SLC15A3: variants seen among roughly 807,000 people sequenced by gnomAD.
SLC15A3 encodes the protein solute carrier family 15 member 3.
A neutral mutation model predicts 49.2 loss-of-function variants in SLC15A3; 39 were observed. The ratio of observed to expected loss-of-function variants is 0.79; its 90% confidence interval spans 0.61 to 1.04. The LOEUF is 1.04. Among genes scored for constraint, SLC15A3 ranks in the 50% least tolerant of loss-of-function variants. The pLI, the probability that SLC15A3 is intolerant of heterozygous loss-of-function variation, is 0.00. For synonymous variants in SLC15A3, 339 were observed against 367.0 expected (o/e 0.92, Z 0.87); for missense variants, 758 against 794.8 (o/e 0.95, Z 0.56).
chr11:60,937,783 CCAGAGT>C, intron 7 of SLC15A3, 81 bp downstream of exon 7: 1 of 1,488,968 alleles, frequency 6.7e-7, no homozygotes, highest in Non-Finnish European at 9.1e-7. Flanking sequence ...TTGCTTCTCC[CCAGAGT>C]CAAAGCACTT....
chr11:60,939,933 C>T lies in SLC15A3; in HGVS notation c.1277-295G>A, dbSNP rs1473459346. 2.5e-5 allele frequency: 8 copies of T among 324,944 alleles called. No individual in the cohort carries two copies. The South Asian group carries it at 2.9e-4, about 12-fold the overall frequency. The allele number at this position is 324,944 out of a possible 1,614,324, so 20.1% of individuals were successfully genotyped here. A position where few individuals can be genotyped will look rare whatever the true frequency, so the allele number is the denominator to read the frequency against. ...AGGCATTTACCATGCATCCTTGCTGCGGAAGAAAGTGAAATAACTAGCACT... is the reference window on the plus strand; with the variant it reads ...AGGCATTTACCATGCATCCTTGCTGTGGAAGAAAGTGAAATAACTAGCACT... On this transcript the variant is annotated intron_variant, in intron 5 of 7. Transcript: ENST00000227880.
rs751276358 is a variant in SLC15A3, at chr11:60,937,348, G to A, written c.1617C>T (p.Asp539=). ...TGCCAGCCAGCAGGAAGAAGTAGAGGTCCATCCGGCAATTGTTGATGTTCC... is the reference window on the plus strand; with the variant it reads ...TGCCAGCCAGCAGGAAGAAGTAGAGATCCATCCGGCAATTGTTGATGTTCC... ...DFGNINNCRM[D]LYFFLLAGIQ... Residue 539 remains aspartate (D), a synonymous_variant, in exon 8 of 8, where the codon GAC becomes GAT. Coordinates refer to ENST00000227880, the MANE Select transcript of SLC15A3 (RefSeq NM_016582.3). The A allele has an allele frequency of 2.4e-5, 38 of 1,614,118 alleles. No homozygotes were observed. The highest frequency in any genetic ancestry group is 2.9e-5 in the Non-Finnish European group (34 of 1,180,016).
intron 3 of SLC15A3, chr11:60,942,409 TG>T (rs1268975883): frequency 1.8e-5 from 7 of 394,982 alleles, no homozygotes; most frequent in Non-Finnish European, 2.8e-5. Flanking sequence ...GACTAGTATT[TG>T]TGTCCCCAGG....
At chr11:60,950,958 G>A in intron 1 of SLC15A3, 36 bp downstream of exon 1, 1 of 1,402,380 alleles carries the variant, frequency 7.1e-7, no homozygotes, top group Non-Finnish European at 9.2e-7. Context: ...CTCCACACCC[G>A]CCGGAGTATG....
intron 5 of SLC15A3, 132 bp from the exon 6 acceptor site, chr11:60,939,770 T>C: frequency 9.3e-7 from 1 of 1,074,464 alleles, no homozygotes; most frequent in Non-Finnish European, 1.3e-6. Context: ...AGGAAAAGAA[T>C]GCTGGACTGG....
chr11:60,950,881 TCAGGAAACTAGTG>T (rs1350196849), intron 1 of SLC15A3, 100 bp downstream of exon 1: 1 of 1,145,254 alleles, frequency 8.7e-7, no homozygotes, highest in Non-Finnish European at 1.2e-6. Context: ...TTCTTTCAAA[TCAGGAAACTAGTG>T]CAGGCAGGGG....
chr11:60,949,500 GAAGGAAAGAAA>G (rs1856864058), intron 1 of SLC15A3, among the ~76,000 whole-genome samples: 4 of 137,840 alleles, frequency 2.9e-5, no homozygotes, highest in African/African-American at 1.1e-4. Flanking sequence ...AAGAAAGAAA[GAAGGAAAGAAA>G]GAAAGAAAGA....
intron 2 of SLC15A3, among the ~76,000 whole-genome samples, chr11:60,946,094 T>C (rs964706599): frequency 6.6e-6 from 1 of 152,104 alleles, no homozygotes; most frequent in East Asian, 1.9e-4. Flanking sequence ...CTGGACTCGA[T>C]TGATCCTTCT....
At position 60,943,701 on chromosome 11, in the gene SLC15A3, C is replaced by T. The variant is rs764658254; in HGVS notation, c.984G>A (p.Met328Ile). 1.3e-6 allele frequency: 2 copies of T among 1,578,052 alleles called. No individual in the cohort carries two copies. Among genetic ancestry groups the T allele is most frequent in the Admixed American group, 1.8e-5 (1 of 55,700 alleles). The change falls in exon 3 of 8, where the codon ATG becomes ATA. Residue 328 changes from methionine (M) to isoleucine (I), a missense_variant. Met to Ile is a conservative substitution (Grantham distance 10). Around this residue, in one of 3 missense-constraint regions of SLC15A3, gnomAD observed 699 missense variants for 706.7 expected, o/e 0.99. Coordinates refer to ENST00000227880, the MANE Select transcript of SLC15A3 (RefSeq NM_016582.3). ...CAGGTATGCTCACCTGGAAGTAGAC[C>T]ATCCAGTAGGGCACCAGGGTCACCA... ...PVMVTLVPYWMVYFQMQSTYV... is the reference protein window; with the variant it reads ...PVMVTLVPYWIVYFQMQSTYV...
At chr11:60,937,718 G>A (rs1165795587) in intron 7 of SLC15A3, 152 bp downstream of exon 7, 2 of 1,036,724 alleles carry the variant, frequency 1.9e-6, no homozygotes, top group African/African-American at 1.6e-5. Context: ...GCCACGCTGT[G>A]GGTGACTGGC....
chr11:60,950,964 G>A, intron 1 of SLC15A3, 30 bp downstream of exon 1: 2 of 1,408,500 alleles, frequency 1.4e-6, no homozygotes, highest in Non-Finnish European at 1.8e-6. Flanking sequence ...ACCCGCCGGA[G>A]TATGCCGGGG....
chr11:60,946,553 A>G lies in SLC15A3; in HGVS notation c.827T>C (p.Leu276Pro). 6.3e-7 allele frequency: 1 copy of G among 1,575,592 alleles called. No homozygotes were observed. The highest frequency in any genetic ancestry group is 8.6e-7 in the Non-Finnish European group (1 of 1,156,752). The change falls in exon 2 of 8, where the codon CTG (leucine) becomes CCG (proline). Residue 276 changes from leucine (L) to proline (P), a missense_variant. Leu to Pro is a moderately conservative substitution (Grantham distance 98, BLOSUM62 -3). Around this residue, in one of 3 missense-constraint regions of SLC15A3, gnomAD observed 699 missense variants for 706.7 expected, o/e 0.99. Coordinates refer to ENST00000227880, the MANE Select transcript of SLC15A3 (RefSeq NM_016582.3). ...TTACCTGGCCGAGTGTCGTTGCCAC[A>G]GCTGGGGGCAGCAGTTTTGGAGAGC... ...KLALQNCCPQ[L>P]WQRHSARDRQ...
At chr11:60,950,617 T>TAAAA (rs11417679) in intron 1 of SLC15A3, among the ~76,000 whole-genome samples, 1 of 146,250 alleles carries the variant, frequency 6.8e-6, no homozygotes, top group Non-Finnish European at 1.5e-5. Flanking sequence ...CACCTCTACT[T>TAAAA]AAAAAAAAAA....
In SLC15A3 at chr11:60,943,804, T is replaced by C. The variant is rs1190915639; in HGVS notation, c.881A>G (p.Glu294Gly). 6 of 1,600,038 alleles carry C rather than the reference T, an allele frequency of 3.7e-6. No homozygotes were observed. Among genetic ancestry groups the C allele is most frequent in the Non-Finnish European group, 5.1e-6 (6 of 1,172,170 alleles). ...GGAAGCCCCTGGCTGGGGAGACCTC[T>C]CGTCGGCCAGCACGCGGGCACATTG... ...DRQCARVLAD[E>G]RSPQPGASPQ... The change falls in exon 3 of 8, where the codon GAG (glutamate) becomes GGG (glycine). Residue 294 changes from glutamate to glycine, a missense_variant. Around this residue, in one of 3 missense-constraint regions of SLC15A3, gnomAD observed 699 missense variants for 706.7 expected, o/e 0.99. Transcript: ENST00000227880.
At chr11:60,937,456 G>T in intron 7 of SLC15A3, 83 bp from the exon 8 acceptor site, 1 of 1,570,134 alleles carries the variant, frequency 6.4e-7, no homozygotes, top group Non-Finnish European at 8.7e-7. Flanking sequence ...TAGCCCTGGG[G>T]CTGGCAACTG....
At chr11:60,948,394 G>A (rs1432203957) in intron 1 of SLC15A3, among the ~76,000 whole-genome samples, 1 of 152,230 alleles carries the variant, frequency 6.6e-6, no homozygotes, top group Non-Finnish European at 1.5e-5. Context: ...GGATATAAAT[G>A]AGTTCTTTTA....
At chr11:60,947,058 A>G (rs1384223876) in intron 1 of SLC15A3, among the ~76,000 whole-genome samples, 1 of 152,252 alleles carries the variant, frequency 6.6e-6, no homozygotes, top group African/African-American at 2.4e-5. Flanking sequence ...CTGCTTTTGC[A>G]TACCCATGAC....
chr11:60,949,323 C>T (rs181592866), intron 1 of SLC15A3, among the ~76,000 whole-genome samples: 13 of 141,568 alleles, frequency 9.2e-5, no homozygotes, highest in South Asian at 8.9e-4. Flanking sequence ...GGCAACAGAG[C>T]GAGACTCCGT....
At chr11:60,945,725 C>T (rs141060858) in intron 2 of SLC15A3, among the ~76,000 whole-genome samples, 2 of 152,302 alleles carry the variant, frequency 1.3e-5, no homozygotes, top group Middle Eastern at 3.4e-3. Flanking sequence ...TCAGAACCTT[C>T]CTCCTTTGGA....
Sources: gnomAD v4.1 joint callset for allele counts (sites outside exome capture counted in the v4.1 genomes callset) on GRCh38, gnomAD v4.1.1 for gene constraint, gnomAD v4.1.1 regional missense constraint, MANE v1.5 for transcripts, NCBI Gene and HGNC (gene_info 2026-07-23, HGNC 2026-07-21) for gene names.